Variants in ADGRA3 observed in about 807,000 individuals in gnomAD.
ADGRA3 encodes the protein adhesion G protein-coupled receptor A3.
ADGRA3 carries 56 observed loss-of-function variants against 119.8 expected under a neutral mutation model. That is an observed-to-expected ratio of 0.47 (90% CI 0.38 to 0.58). ADGRA3 has a LOEUF of 0.58. ADGRA3 is among the 20% of genes least tolerant of loss of function. ADGRA3 has a pLI of 0.00. For synonymous variants in ADGRA3, 607 were observed against 623.8 expected (o/e 0.97, Z 0.40); for missense variants, 1,516 against 1,649.0 (o/e 0.92, Z 1.40).
intron 1 of ADGRA3, among the ~76,000 whole-genome samples, chr4:22,513,733 A>G (rs1719533867): frequency 6.6e-6 from 1 of 151,044 alleles, no homozygotes; most frequent in Non-Finnish European, 1.5e-5. Context: ...GCTGGTCTTG[A>G]ACTCCTGACC....
chr4:22,395,378 T>C (rs1714307901), intron 16 of ADGRA3, among the ~76,000 whole-genome samples: 1 of 152,236 alleles, frequency 6.6e-6, no homozygotes, highest in Non-Finnish European at 1.5e-5. Context: ...ATATAGATGA[T>C]GAATATGTAA....
chr4:22,418,684 T>C (rs538500199), intron 12 of ADGRA3, among the ~76,000 whole-genome samples: 1 of 152,140 alleles, frequency 6.6e-6, no homozygotes, highest in East Asian at 1.9e-4. Context: ...CAAGGTCAAT[T>C]TCCATTTGGG....
chr4:22,506,510 AC>A (rs1719245586), intron 1 of ADGRA3, among the ~76,000 whole-genome samples: 1 of 152,136 alleles, frequency 6.6e-6, no homozygotes, highest in Non-Finnish European at 1.5e-5. Flanking sequence ...CCAAGATCGC[AC>A]CACTGCACTC....
intron 12 of ADGRA3, among the ~76,000 whole-genome samples, chr4:22,417,300 A>T (rs77570708): frequency 1.3e-5 from 2 of 152,158 alleles, no homozygotes; most frequent in Non-Finnish European, 2.9e-5. Flanking sequence ...GGAACTATGC[A>T]GAGCCTGGAG....
At chr4:22,418,392 G>C (rs1316942777) in intron 12 of ADGRA3, among the ~76,000 whole-genome samples, 1 of 152,194 alleles carries the variant, frequency 6.6e-6, no homozygotes, top group Non-Finnish European at 1.5e-5. Context: ...GGTGGGAGTG[G>C]AGAACTGAAT....
chr4:22,387,876 C>T lies in ADGRA3; in HGVS notation c.3795G>A (p.Ala1265=), dbSNP rs769791758. ...GTTCAACCACAGCTGGCTTCCTTAA[C>T]GCATCTTTTTTACTAGTGGTTGAAA... The part of the protein sequence containing the change: ...KPVSTTSKKD[A]LRKPAVVELE... Residue 1265 remains alanine, a synonymous_variant, in exon 19 of 19, where the codon GCG becomes GCA. Coordinates refer to ENST00000334304, the MANE Select transcript of ADGRA3 (RefSeq NM_145290.4). 5.6e-6 allele frequency: 9 copies of T among 1,613,998 alleles called. No individual in the cohort carries two copies. Among genetic ancestry groups the T allele is most frequent in the Middle Eastern group, 1.6e-4 (1 of 6,082 alleles).
chr4:22,494,507 G>A (rs4697016), intron 1 of ADGRA3, among the ~76,000 whole-genome samples: 96,336 of 151,556 alleles, frequency 0.64, 32,714 homozygotes, highest in East Asian at 0.88. Flanking sequence ...TTTCTTGCAC[G>A]AGCTCTATGA....
At chr4:22,428,287 T>C (rs1242205584) in intron 10 of ADGRA3, among the ~76,000 whole-genome samples, 1 of 151,998 alleles carries the variant, frequency 6.6e-6, no homozygotes, top group African/African-American at 2.4e-5. Flanking sequence ...AGTTTACTCA[T>C]TTGTAAAATG....
chr4:22,440,731 A>G (rs1440003356), intron 7 of ADGRA3, among the ~76,000 whole-genome samples: 1 of 152,148 alleles, frequency 6.6e-6, no homozygotes, highest in Non-Finnish European at 1.5e-5. Context: ...AAATGGTTCT[A>G]CTTTTAAAAC....
At chr4:22,448,111 T>C (rs1408664388) in intron 4 of ADGRA3, among the ~76,000 whole-genome samples, 2 of 152,164 alleles carry the variant, frequency 1.3e-5, no homozygotes, top group African/African-American at 2.4e-5. Flanking sequence ...GCGTTTTGAA[T>C]GAATGGAACT....
At chr4:22,458,327 G>A (rs1350686776) in intron 3 of ADGRA3, among the ~76,000 whole-genome samples, 1 of 152,140 alleles carries the variant, frequency 6.6e-6, no homozygotes, top group Non-Finnish European at 1.5e-5. Context: ...AATGACCTGT[G>A]TCTGGAGGTG....
intron 12 of ADGRA3, among the ~76,000 whole-genome samples, chr4:22,415,590 G>C (rs1455498269): frequency 2.0e-5 from 3 of 152,096 alleles, no homozygotes; most frequent in Non-Finnish European, 4.4e-5. Context: ...TCGTGATAAA[G>C]TATTACATAA....
intron 14 of ADGRA3, among the ~76,000 whole-genome samples, chr4:22,405,807 G>A (rs757388804): frequency 2.0e-5 from 3 of 152,108 alleles, no homozygotes; most frequent in East Asian, 1.9e-4. Context: ...TACATATAAC[G>A]TGTAATGACC....
intron 3 of ADGRA3, 131 bp from the exon 4 acceptor site, chr4:22,455,068 T>C (rs1341659931): frequency 3.1e-6 from 2 of 654,090 alleles, no homozygotes; most frequent in East Asian, 2.7e-5. Flanking sequence ...AGATATTTAC[T>C]GTACGCAAAT....
intron 17 of ADGRA3, 81 bp downstream of exon 17, chr4:22,392,464 A>T: frequency 6.6e-7 from 1 of 1,521,736 alleles, no homozygotes. Flanking sequence ...CCCAAAATTC[A>T]CTCAGCAATT....
At chr4:22,421,881 C>CCAAAAAAAAAAAAAAAAAAAAAA (rs767609157) in intron 11 of ADGRA3, among the ~76,000 whole-genome samples, 5 of 70,426 alleles carry the variant, frequency 7.1e-5, no homozygotes, top group African/African-American at 3.2e-4. Context: ...ACTCAGTCTC[C>CCAAAAAAAAAAAAAAAAAAAAAA]AAAAAAAAAA....
Position 22,435,466 on chromosome 4 carries a change from T to A in ADGRA3, c.1288A>T (p.Met430Leu), listed in dbSNP as rs1272053856. The A allele has an allele frequency of 1.5e-5, 23 of 1,580,164 alleles. No homozygotes were observed. Among genetic ancestry groups the A allele is most frequent in the Admixed American group, 1.0e-4 (6 of 59,176 alleles). ...VTRVLYMFNQ[M>L]PLNLTNAVAT... ...ACGGCATTGGTAAGATTGAGGGGCA[T>A]CTACATTTCAAAGGCAAAAATGATC... Residue 430 changes from methionine (M) to leucine (L), a missense_variant and splice_region_variant, in exon 10 of 19, where the codon ATG becomes TTG. Physicochemically the swap from Met to Leu is conservative, Grantham distance 15. This residue lies in a region of ADGRA3 where 428 missense variants were observed against 541.9 expected (regional missense o/e 0.79). Transcript: ENST00000334304.
At chr4:22,466,384 C>T (rs1215358850) in intron 2 of ADGRA3, among the ~76,000 whole-genome samples, 3 of 152,178 alleles carry the variant, frequency 2.0e-5, no homozygotes, top group African/African-American at 7.2e-5. Context: ...CCCTCTTCAC[C>T]CACGTATCCT....
rs1719650869 is a variant in ADGRA3 at position 22,515,861 on chromosome 4, G to A, written c.-77C>T. 1 of 952,998 alleles carries A rather than the reference G, an allele frequency of 1.0e-6. No individual in the cohort carries two copies. Among genetic ancestry groups the A allele is most frequent in the African/African-American group, 1.8e-5 (1 of 56,232 alleles). The allele number at this position is 952,998 out of a possible 1,614,324, so 59.0% of individuals were successfully genotyped here. A position where few individuals can be genotyped will look rare whatever the true frequency, so the allele number is the denominator to read the frequency against. Reference sequence around the variant, plus strand: ...CGCCCCGGAGCCCGGGCGGGCAGGAGCGCGGCGCGGGCCCAGCGGCGACCG... The same window carrying A: ...CGCCCCGGAGCCCGGGCGGGCAGGAACGCGGCGCGGGCCCAGCGGCGACCG... On this transcript the variant is annotated 5_prime_UTR_variant, in exon 1 of 19. Transcript: ENST00000334304.
Sources: allele counts gnomAD v4.1 joint callset (sites outside exome capture counted in the v4.1 genomes callset), GRCh38; gene constraint gnomAD v4.1.1; regional missense constraint gnomAD v4.1.1; transcripts MANE v1.5; gene names NCBI Gene and HGNC (gene_info 2026-07-23, HGNC 2026-07-21).